Variants in LRP1B observed in about 807,000 individuals in gnomAD.
The protein encoded by LRP1B is low-density lipoprotein receptor-related protein 1B.
Under a neutral mutation model 556.6 loss-of-function variants are expected in LRP1B, and 217 were observed. The ratio of observed to expected loss-of-function variants is 0.39; its 90% CI spans 0.35 to 0.44. LRP1B has a LOEUF of 0.44. Ranked by LOEUF, LRP1B falls within the 20% of genes least tolerant of loss-of-function variation. The probability of loss-of-function intolerance (pLI) is 1.00; values close to 1 mark genes in which losing one functional copy is unlikely to be tolerated. For synonymous variants in LRP1B, 2,047 were observed against 1,865.8 expected, an observed-to-expected ratio of 1.10 and a Z score of -2.50; for missense variants, 5,053 against 5,620.8, an observed-to-expected ratio of 0.90 and a Z score of 3.23.
intron 59 of LRP1B, 76 bp downstream of exon 59, chr2:140,485,267 G>C (rs986402758): frequency 7.5e-6 from 8 of 1,066,396 alleles, no homozygotes; most frequent in Non-Finnish European, 1.1e-5. Context: ...CCATGTTAAT[G>C]ATCTATAGTA....
At chr2:140,476,680 T>G (rs2105349957) in intron 59 of LRP1B, among the ~76,000 whole-genome samples, 1 of 152,148 alleles carries the variant, frequency 6.6e-6, no homozygotes, top group African/African-American at 2.4e-5. Flanking sequence ...AAAAGTTATT[T>G]GATAGTCAAA....
Position 141,016,052 on chromosome 2 carries a change from CAA to C in LRP1B, c.1971-139_1971-138del, listed in dbSNP as rs1002896438. 42 of 668,030 alleles carry C rather than the reference CAA, an allele frequency of 6.3e-5. No individual in the cohort carries two copies. The African/African-American group carries it at 7.4e-4, about 12-fold the overall frequency. 41.4% of individuals were successfully genotyped at this position (668,030 alleles called of 1,614,324 possible). Reference sequence around the variant, plus strand: ...TCCTCCTATCTAAGTGCTTATCTGTCAAAGAGGGGGGAGCTGTGAAGTTTTAA... The same window carrying C: ...TCCTCCTATCTAAGTGCTTATCTGTCAGAGGGGGGAGCTGTGAAGTTTTAA... On this transcript the variant is annotated intron_variant, in intron 12 of 90. Coordinates refer to ENST00000389484, the MANE Select transcript of LRP1B (RefSeq NM_018557.3).
chr2:141,365,690 TTGCCCGGGCTGG>T (rs1689005004), intron 3 of LRP1B, among the ~76,000 whole-genome samples: 1 of 93,248 alleles, frequency 1.1e-5, no homozygotes, highest in Non-Finnish European at 2.4e-5. Flanking sequence ...TCTCGCTCTG[TTGCCCGGGCTGG>T]AGTGCAGTGG....
intron 3 of LRP1B, among the ~76,000 whole-genome samples, chr2:141,458,341 G>T (rs1030279482): frequency 5.3e-5 from 8 of 152,128 alleles, no homozygotes; most frequent in Admixed American, 2.0e-4. Flanking sequence ...GGTCATCATC[G>T]CCTGGGCAGG....
At chr2:141,211,208 A>G (rs1248536192) in intron 6 of LRP1B, among the ~76,000 whole-genome samples, 1 of 149,572 alleles carries the variant, frequency 6.7e-6, no homozygotes, top group Non-Finnish European at 1.5e-5. Context: ...GGCTGGTCTC[A>G]AACTCCTGCA....
chr2:140,610,490 A>G (rs956402085), intron 41 of LRP1B, among the ~76,000 whole-genome samples: 1 of 152,324 alleles, frequency 6.6e-6, no homozygotes, highest in East Asian at 1.9e-4. Context: ...TGAGAGCACA[A>G]ACTCTGGTTT....
intron 1 of LRP1B, among the ~76,000 whole-genome samples, chr2:141,935,759 A>C (rs1189025557): frequency 2.6e-5 from 4 of 152,212 alleles, no homozygotes; most frequent in Non-Finnish European, 5.9e-5. Flanking sequence ...AATATGCTAG[A>C]CAGATACTTA....
At chr2:140,305,588 T>C (rs144788202) in intron 83 of LRP1B, among the ~76,000 whole-genome samples, 1,697 of 152,288 alleles carry the variant, frequency 0.011, 11 homozygotes, top group Non-Finnish European at 0.015. Context: ...TGCAATCATG[T>C]TATCTGCAAA....
At chr2:140,848,148 C>A (rs1692333076) in intron 29 of LRP1B, among the ~76,000 whole-genome samples, 1 of 152,140 alleles carries the variant, frequency 6.6e-6, no homozygotes, top group Non-Finnish European at 1.5e-5. Context: ...GACCACCTAA[C>A]TGATTGTCAA....
chr2:140,845,010 T>C (rs1270928909), intron 29 of LRP1B, among the ~76,000 whole-genome samples: 1 of 152,188 alleles, frequency 6.6e-6, no homozygotes, highest in Admixed American at 6.5e-5. Flanking sequence ...AGAGTGATCT[T>C]CTGGGTATAG....
intron 2 of LRP1B, among the ~76,000 whole-genome samples, chr2:141,617,883 A>C (rs1039048954): frequency 2.8e-5 from 4 of 140,454 alleles, no homozygotes; most frequent in African/African-American, 9.8e-5. Flanking sequence ...CTCTATCCTA[A>C]TTATTTTATT....
intron 1 of LRP1B, among the ~76,000 whole-genome samples, chr2:141,989,717 C>T (rs920554424): frequency 2.0e-5 from 3 of 151,960 alleles, no homozygotes; most frequent in African/African-American, 7.2e-5. Flanking sequence ...AATGGCTTCC[C>T]CTTTCACTCA....
At chr2:140,314,903 G>T (rs2105035956) in intron 83 of LRP1B, 32 bp downstream of exon 83, 2 of 1,516,062 alleles carry the variant, frequency 1.3e-6, no homozygotes, top group Non-Finnish European at 1.8e-6. Context: ...AAGTGAAAAA[G>T]ATGTGAAATA....
intron 1 of LRP1B, among the ~76,000 whole-genome samples, chr2:141,999,673 A>G (rs1165676461): frequency 6.7e-6 from 1 of 148,288 alleles, no homozygotes; most frequent in African/African-American, 2.4e-5. Context: ...AAGTTTATGT[A>G]GAATATGAAT....
intron 6 of LRP1B, among the ~76,000 whole-genome samples, chr2:141,191,094 A>C: frequency 6.6e-6 from 1 of 151,964 alleles, no homozygotes; most frequent in East Asian, 1.9e-4. Flanking sequence ...TACTATTCTT[A>C]GCTCTTAACC....
intron 41 of LRP1B, among the ~76,000 whole-genome samples, chr2:140,621,242 C>T (rs1053083630): frequency 6.6e-6 from 1 of 151,046 alleles, no homozygotes; most frequent in African/African-American, 2.4e-5. Flanking sequence ...AAAAATTAGC[C>T]GGGTGTGGTG....
At chr2:141,411,403 A>G (rs1690846122) in intron 3 of LRP1B, among the ~76,000 whole-genome samples, 1 of 152,180 alleles carries the variant, frequency 6.6e-6, no homozygotes, top group Non-Finnish European at 1.5e-5. Context: ...GACACCTTTC[A>G]GAGAGAAAAA....
rs538879752 is a variant in LRP1B, at chr2:141,153,473, A to AAT, written c.1013+34946_1013+34947dup. On this transcript the variant is annotated intron_variant, in intron 7 of 90. Coordinates refer to ENST00000389484, the MANE Select transcript of LRP1B (RefSeq NM_018557.3). ...AGCTATATATTTATATATAATAAAT[A>AAT]ATATATATATTAGCTATATATATTT... Among the ~76,000 whole-genome samples, 76 of 113,914 alleles carry AAT rather than the reference A, an allele frequency of 6.7e-4. 2 individuals are homozygous for AAT. Among genetic ancestry groups the AAT allele is most frequent in the African/African-American group, 2.3e-3 (74 of 31,754 alleles). The allele number at this position is 113,914 out of a possible 152,430, so 74.7% of individuals were successfully genotyped here. A position where few individuals can be genotyped will look rare whatever the true frequency, so the allele number is the denominator to read the frequency against.
At chr2:141,477,512 A>T (rs17613870) in intron 3 of LRP1B, among the ~76,000 whole-genome samples, 1 of 151,970 alleles carries the variant, frequency 6.6e-6, no homozygotes, top group Non-Finnish European at 1.5e-5. Context: ...GAGTTCCTAC[A>T]ATGTACCTTT....
Sources: gnomAD v4.1 joint callset for allele counts (sites outside exome capture counted in the v4.1 genomes callset) on GRCh38, gnomAD v4.1.1 for gene constraint, MANE v1.5 for transcripts, NCBI Gene and HGNC (gene_info 2026-07-23, HGNC 2026-07-21) for gene names.